The following RYR2 variants were observed in gnomAD, a reference collection of about 807,000 sequenced individuals.
RYR2 encodes the protein cardiac muscle ryanodine receptor-calcium release channel.
RYR2 carries 227 observed loss-of-function variants against 601.1 expected under a neutral mutation model. The ratio of observed to expected loss-of-function variants is 0.38; its 90% CI spans 0.34 to 0.42. The LOEUF is 0.42. Among genes scored for constraint, RYR2 ranks in the 10% least tolerant of loss-of-function variants. The pLI, the probability that RYR2 is intolerant of heterozygous loss-of-function variation, is 1.00. For missense variants in RYR2, 4,646 were observed against 6,156.5 expected (o/e 0.75, Z 8.21); for synonymous variants, 2,223 against 2,175.1 (o/e 1.02, Z -0.61).
intron 71 of RYR2, 135 bp from the exon 72 acceptor site, chr1:237,717,063 C>T: frequency 1.4e-6 from 1 of 714,302 alleles, no homozygotes; most frequent in South Asian, 2.5e-5. Context: ...AAATTATTCT[C>T]AAAACAGGAG....
chr1:237,274,182 A>G (rs572448788), intron 2 of RYR2, among the ~76,000 whole-genome samples: 2 of 150,294 alleles, frequency 1.3e-5, no homozygotes, highest in African/African-American at 4.9e-5. Context: ...TATTTAATGT[A>G]CATATTATAT....
intron 1 of RYR2, among the ~76,000 whole-genome samples, chr1:237,148,525 A>T (rs112858315): frequency 0.22 from 15,950 of 71,186 alleles, 1,125 homozygotes; most frequent in East Asian, 0.3. Context: ...TAAAAAAAAA[A>T]AAATATATAT....
At chr1:237,621,579 C>T (rs992322438) in intron 38 of RYR2, among the ~76,000 whole-genome samples, 2 of 152,144 alleles carry the variant, frequency 1.3e-5, no homozygotes, top group Non-Finnish European at 2.9e-5. Flanking sequence ...ATGGCACACC[C>T]TGCTGACGTC....
chr1:237,685,024 C>T (rs981825602), intron 62 of RYR2, among the ~76,000 whole-genome samples: 2 of 151,764 alleles, frequency 1.3e-5, no homozygotes, highest in Admixed American at 6.6e-5. Flanking sequence ...TGACAGAACT[C>T]CAAAAAAGAA....
At chr1:237,650,443 T>A (rs561130168) in intron 50 of RYR2, among the ~76,000 whole-genome samples, 2 of 152,332 alleles carry the variant, frequency 1.3e-5, no homozygotes, top group South Asian at 4.1e-4. Context: ...CTGTGTTTGA[T>A]GATTTAACTC....
chr1:237,308,776 G>A (rs1694193193), intron 2 of RYR2, among the ~76,000 whole-genome samples: 1 of 152,338 alleles, frequency 6.6e-6, no homozygotes, highest in South Asian at 2.1e-4. Flanking sequence ...CTACACCGTG[G>A]AAAGGGACCT....
intron 31 of RYR2, among the ~76,000 whole-genome samples, 175 bp downstream of exon 31, chr1:237,591,167 TCTCCTCCTCCCCCTTCTCCTC>T (rs1442026860): frequency 4.7e-3 from 9 of 1,918 alleles, no homozygotes; most frequent in Non-Finnish European, 0.014. Flanking sequence ...TCTTCCCCCT[TCTCCTCCTCCCCCTTCTCCTC>T]CTCCCCCTTC....
chr1:237,506,000 C>G (rs1013071199), intron 22 of RYR2, among the ~76,000 whole-genome samples: 1 of 151,670 alleles, frequency 6.6e-6, no homozygotes, highest in Non-Finnish European at 1.5e-5. Context: ...CTCAAAGATC[C>G]GATGGACTAT....
chr1:237,082,728 T>C (rs560185262), intron 1 of RYR2, among the ~76,000 whole-genome samples: 2 of 151,804 alleles, frequency 1.3e-5, no homozygotes, highest in Non-Finnish European at 1.5e-5. Flanking sequence ...ATGTAACAAG[T>C]GTTAAATTGG....
intron 89 of RYR2, 113 bp downstream of exon 89, chr1:237,781,759 TG>T (rs1454632365): frequency 2.1e-6 from 1 of 481,176 alleles, no homozygotes; most frequent in African/African-American, 2.0e-5. Context: ...ATATGATAGA[TG>T]CCTTGGATTT....
At chr1:237,144,825 T>C (rs1673807488) in intron 1 of RYR2, among the ~76,000 whole-genome samples, 1 of 152,180 alleles carries the variant, frequency 6.6e-6, no homozygotes, top group African/African-American at 2.4e-5. Context: ...AGTTATAAAG[T>C]CTAGTAATAA....
intron 80 of RYR2, among the ~76,000 whole-genome samples, chr1:237,752,014 T>A (rs1573803370): frequency 6.6e-6 from 1 of 152,214 alleles, no homozygotes; most frequent in Non-Finnish European, 1.5e-5. Context: ...TATTTTAGAT[T>A]GTGATCACAA....
chr1:237,593,477 A>G lies in RYR2; in HGVS notation c.4277A>G (p.Tyr1426Cys). ...DYDFLMQTST[Y>C]YYSVRIFPGQ... Reference sequence around the variant, plus strand: ...TATTTGGTTCTGCTATCTTCACAGTACTATTACTCAGTGAGAATCTTTCCT... The same window carrying G: ...TATTTGGTTCTGCTATCTTCACAGTGCTATTACTCAGTGAGAATCTTTCCT... Residue 1426 changes from tyrosine to cysteine, a missense_variant and splice_region_variant, in exon 33 of 105, where the codon TAC becomes TGC. Coordinates refer to ENST00000366574, the MANE Select transcript of RYR2 (RefSeq NM_001035.3). 6.2e-7 allele frequency: 1 copy of G among 1,611,592 alleles called. No homozygotes were observed. The highest frequency in any genetic ancestry group is 8.5e-7 in the Non-Finnish European group (1 of 1,179,088).
At chr1:237,301,250 A>G (rs909920270) in intron 2 of RYR2, among the ~76,000 whole-genome samples, 6 of 152,202 alleles carry the variant, frequency 3.9e-5, no homozygotes, top group African/African-American at 1.4e-4. Flanking sequence ...ATCCAAGATC[A>G]TCCCTGATTG....
intron 2 of RYR2, among the ~76,000 whole-genome samples, chr1:237,296,418 A>G (rs1572510639): frequency 1.3e-5 from 2 of 152,342 alleles, no homozygotes; most frequent in Admixed American, 6.5e-5. Context: ...TAGGGATGGT[A>G]GTAAAGAAAT....
chr1:237,576,490 T>A (rs1673235250), intron 29 of RYR2, among the ~76,000 whole-genome samples: 1 of 152,084 alleles, frequency 6.6e-6, no homozygotes, highest in African/African-American at 2.4e-5. Context: ...AGGTAGTGTG[T>A]CAGTATGTTG....
In RYR2 at chr1:237,047,919, A is replaced by G. The variant is rs1660783417; in HGVS notation, c.48+5350A>G. Among the ~76,000 whole-genome samples, 2 of 152,174 alleles carry G rather than the reference A, an allele frequency of 1.3e-5. 1 individual carries two copies. The highest frequency in any genetic ancestry group is 1.3e-4 in the Admixed American group (2 of 15,280). ...TAACAGAGTCTGAAAAGACTTAACA[A>G]TGACTTCATCCAGCTCTGAGAGCCA... On this transcript the variant is annotated intron_variant, in intron 1 of 104. Coordinates refer to ENST00000366574, the MANE Select transcript of RYR2 (RefSeq NM_001035.3).
chr1:237,042,408 C>A lies in RYR2; in HGVS notation c.-114C>A. On this transcript the variant is annotated 5_prime_UTR_variant, in exon 1 of 105. Transcript: ENST00000366574. Reference sequence around the variant, plus strand: ...CGGCGCTCGGCACCCGGCAGCGCGGCCCCCTCCAGCCCCCGGCTCCCGGCA... The same window carrying A: ...CGGCGCTCGGCACCCGGCAGCGCGGACCCCTCCAGCCCCCGGCTCCCGGCA... 3.9e-6 allele frequency: 4 copies of A among 1,023,322 alleles called. No individual in the cohort carries two copies. The highest frequency in any genetic ancestry group is 4.9e-5 in the South Asian group (1 of 20,604). The allele number at this position is 1,023,322 out of a possible 1,614,324, so 63.4% of individuals were successfully genotyped here.
intron 10 of RYR2, among the ~76,000 whole-genome samples, chr1:237,397,503 G>A (rs1305709941): frequency 6.6e-6 from 1 of 152,066 alleles, no homozygotes; most frequent in East Asian, 1.9e-4. Context: ...CTAAAAAGGT[G>A]GGATATCTTA....
Sources: allele counts gnomAD v4.1 joint callset (sites outside exome capture counted in the v4.1 genomes callset), GRCh38; gene constraint gnomAD v4.1.1; transcripts MANE v1.5; gene names NCBI Gene and HGNC (gene_info 2026-07-23, HGNC 2026-07-21).